Variants in ZEB1 observed in about 807,000 individuals in gnomAD.
The protein encoded by ZEB1 is zinc finger E-box binding homeobox 1.
A neutral mutation model predicts 84.9 loss-of-function variants in ZEB1; 21 were observed. The ratio of observed to expected loss-of-function variants is 0.25; its 90% confidence interval spans 0.18 to 0.36. ZEB1 has a LOEUF of 0.36. Among genes scored for constraint, ZEB1 ranks in the 10% least tolerant of loss-of-function variants. The pLI, the probability that ZEB1 is intolerant of heterozygous loss-of-function variation, is 1.00. For synonymous variants in ZEB1, 420 were observed against 471.1 expected (o/e 0.89, Z 1.41); for missense variants, 1,104 against 1,330.2 (o/e 0.83, Z 2.65).
intron 1 of ZEB1, among the ~76,000 whole-genome samples, chr10:31,324,354 C>T (rs1443089172): frequency 6.6e-6 from 1 of 151,956 alleles, no homozygotes. Flanking sequence ...AAAATAAGAG[C>T]ATAATGATTT....
At chr10:31,519,797 A>G (rs1270624266) in intron 6 of ZEB1, among the ~76,000 whole-genome samples, 1 of 152,208 alleles carries the variant, frequency 6.6e-6, no homozygotes, top group Non-Finnish European at 1.5e-5. Context: ...ATGGGATAAG[A>G]AAAAACATAC....
At chr10:31,390,964 G>C (rs1413938576) in intron 1 of ZEB1, among the ~76,000 whole-genome samples, 1 of 152,076 alleles carries the variant, frequency 6.6e-6, no homozygotes, top group Non-Finnish European at 1.5e-5. Context: ...AGAAGAGACT[G>C]TTTGTCTCGA....
intron 1 of ZEB1, among the ~76,000 whole-genome samples, chr10:31,338,932 T>A (rs1019083233): frequency 1.6e-4 from 25 of 152,164 alleles, no homozygotes; most frequent in African/African-American, 5.8e-4. Context: ...GATTCAGGGA[T>A]GTTGACATGA....
At chr10:31,513,511 C>T (rs1258394547) in intron 5 of ZEB1, among the ~76,000 whole-genome samples, 3 of 152,048 alleles carry the variant, frequency 2.0e-5, no homozygotes, top group South Asian at 2.1e-4. Flanking sequence ...ATGTGGGAGT[C>T]GCCACCATAT....
intron 4 of ZEB1, among the ~76,000 whole-genome samples, chr10:31,504,835 T>G (rs2068705854): frequency 6.6e-6 from 1 of 152,018 alleles, no homozygotes; most frequent in Non-Finnish European, 1.5e-5. Flanking sequence ...TTTAGCAGAT[T>G]GCAGTTTTTT....
chr10:31,438,961 G>A (rs2058588701), intron 1 of ZEB1, among the ~76,000 whole-genome samples: 1 of 152,248 alleles, frequency 6.6e-6, no homozygotes, highest in Non-Finnish European at 1.5e-5. Flanking sequence ...TTTGCCACTA[G>A]CAACATTATG....
intron 4 of ZEB1, among the ~76,000 whole-genome samples, chr10:31,510,431 C>T (rs879521737): frequency 6.6e-6 from 1 of 152,070 alleles, no homozygotes; most frequent in Admixed American, 6.6e-5. Context: ...TCAGACAGCC[C>T]GTATTTGAAC....
At chr10:31,503,121 A>T (rs1331468580) in intron 4 of ZEB1, among the ~76,000 whole-genome samples, 1 of 152,278 alleles carries the variant, frequency 6.6e-6, no homozygotes, top group Non-Finnish European at 1.5e-5. Flanking sequence ...ATATTTACGT[A>T]AAATTTTTAT....
intron 1 of ZEB1, among the ~76,000 whole-genome samples, chr10:31,399,472 T>C (rs1329028683): frequency 6.6e-6 from 1 of 152,106 alleles, no homozygotes; most frequent in Non-Finnish European, 1.5e-5. Context: ...TCTTCACATT[T>C]CTGTTACCAA....
chr10:31,418,664 A>G (rs1349698893), intron 1 of ZEB1, among the ~76,000 whole-genome samples: 2 of 152,218 alleles, frequency 1.3e-5, no homozygotes, highest in East Asian at 3.9e-4. Flanking sequence ...TACTGAGGTT[A>G]GGAATTGTGT....
intron 2 of ZEB1, among the ~76,000 whole-genome samples, chr10:31,474,926 T>C (rs929769943): frequency 2.6e-5 from 4 of 151,800 alleles, no homozygotes; most frequent in African/African-American, 7.3e-5. Context: ...ATGGATGAAA[T>C]TGGAAATCAT....
intron 2 of ZEB1, among the ~76,000 whole-genome samples, chr10:31,478,542 C>G (rs1224390620): frequency 6.6e-6 from 1 of 151,932 alleles, no homozygotes; most frequent in Non-Finnish European, 1.5e-5. Context: ...ATAAGAAAGA[C>G]ACCTTTATGT....
Position 31,503,210 on chromosome 10 carries a change from A to C in ZEB1, c.484+701A>C, listed in dbSNP as rs567573672. Among the ~76,000 whole-genome samples the C allele has an allele frequency of 2.0e-5, 3 of 152,282 alleles. No homozygotes were observed. In the East Asian group the frequency reaches 5.8e-4, roughly 29 times the overall value. On this transcript the variant is annotated intron_variant, in intron 4 of 8. Transcript: ENST00000424869. ...AAATGATCCATTATGTAGTTCTAATAAAGGTTAAACCTTTTAAAGTTTGTC... is the reference window on the plus strand; with the variant it reads ...AAATGATCCATTATGTAGTTCTAATCAAGGTTAAACCTTTTAAAGTTTGTC...
intron 1 of ZEB1, among the ~76,000 whole-genome samples, chr10:31,383,407 G>A (rs1775198582): frequency 6.6e-6 from 1 of 152,098 alleles, no homozygotes; most frequent in African/African-American, 2.4e-5. Context: ...AAAGAGAAAT[G>A]TTTGGTATAA....
At chr10:31,495,306 T>A (rs2067067166) in intron 2 of ZEB1, among the ~76,000 whole-genome samples, 1 of 152,198 alleles carries the variant, frequency 6.6e-6, no homozygotes, top group East Asian at 1.9e-4. Context: ...TTCTACCGTC[T>A]ATAGGTAGAG....
At chr10:31,341,349 T>C (rs1012083229) in intron 1 of ZEB1, among the ~76,000 whole-genome samples, 8 of 152,130 alleles carry the variant, frequency 5.3e-5, no homozygotes, top group African/African-American at 1.9e-4. Flanking sequence ...TAGGACTCGA[T>C]GCTTGGAAAT....
intron 1 of ZEB1, among the ~76,000 whole-genome samples, chr10:31,452,857 C>T (rs2060779904): frequency 6.6e-6 from 1 of 151,950 alleles, no homozygotes; most frequent in Non-Finnish European, 1.5e-5. Flanking sequence ...TTGCATCACT[C>T]AGCATTCATG....
At chr10:31,440,789 G>C (rs1050683991) in intron 1 of ZEB1, among the ~76,000 whole-genome samples, 7 of 152,114 alleles carry the variant, frequency 4.6e-5, no homozygotes, top group African/African-American at 1.7e-4. Flanking sequence ...CAAATCATGA[G>C]TGAACCCCCA....
chr10:31,375,289 C>T (rs568393914), intron 1 of ZEB1, among the ~76,000 whole-genome samples: 1 of 151,836 alleles, frequency 6.6e-6, no homozygotes, highest in East Asian at 1.9e-4. Context: ...CTTGTCAGTG[C>T]TAGGAGAAAG....
Sources: gnomAD v4.1 joint callset for allele counts (sites outside exome capture counted in the v4.1 genomes callset) on GRCh38, gnomAD v4.1.1 for gene constraint, MANE v1.5 for transcripts, NCBI Gene and HGNC (gene_info 2026-07-23, HGNC 2026-07-21) for gene names.